Variants in CTNNA3 observed in about 807,000 individuals in gnomAD.
CTNNA3 encodes catenin alpha 3.
A neutral mutation model predicts 95.7 loss-of-function variants in CTNNA3; 76 were observed. The observed-to-expected ratio is 0.79, with a 90% CI of 0.66 to 0.96. CTNNA3 has a LOEUF of 0.96. CTNNA3 is among the 40% of genes least tolerant of loss of function. CTNNA3 has a pLI of 0.00. For synonymous variants in CTNNA3, 431 were observed against 374.4 expected, an observed-to-expected ratio of 1.15 and a Z score of -1.74; for missense variants, 1,191 against 1,089.8, an observed-to-expected ratio of 1.09 and a Z score of -1.31.
intron 5 of CTNNA3, among the ~76,000 whole-genome samples, chr10:67,382,311 C>T (rs1334364341): frequency 1.3e-5 from 2 of 152,030 alleles, no homozygotes; most frequent in African/African-American, 4.8e-5. Flanking sequence ...ACATGGCACA[C>T]TAAACAAAAA....
At position 66,113,533 on chromosome 10, in the gene CTNNA3, G is replaced by A. The variant is rs571683832; in HGVS notation, c.1885-10284C>T. Among the ~76,000 whole-genome samples, 9 of 152,184 alleles carry A rather than the reference G, an allele frequency of 5.9e-5. No homozygotes were observed. The East Asian group carries it at 7.7e-4, about 13-fold the overall frequency. On this transcript the variant is annotated intron_variant, in intron 13 of 17. Coordinates refer to ENST00000433211, the MANE Select transcript of CTNNA3 (RefSeq NM_013266.4). ...TGACTATCCAGATTCAAGGTCAAAC[G>A]CTGCCCTTAATATCTTGTGACCTAA... is the stretch of plus-strand genomic sequence containing the variant.
At chr10:67,138,618 T>C (rs1262251674) in intron 7 of CTNNA3, among the ~76,000 whole-genome samples, 3 of 152,238 alleles carry the variant, frequency 2.0e-5, no homozygotes, top group Non-Finnish European at 4.4e-5. Flanking sequence ...AAAGTAGACA[T>C]TGTCTTGTCG....
At chr10:66,941,998 G>C (rs1400848305) in intron 7 of CTNNA3, among the ~76,000 whole-genome samples, 2 of 152,168 alleles carry the variant, frequency 1.3e-5, no homozygotes, top group Admixed American at 1.3e-4. Context: ...CACTAGACCT[G>C]AAGTTAAATA....
chr10:67,755,802 CAAAAAA>C (rs201336788), intron 1 of CTNNA3, among the ~76,000 whole-genome samples: 1 of 58,774 alleles, frequency 1.7e-5, no homozygotes, highest in Non-Finnish European at 3.8e-5. Flanking sequence ...GTCTCTGCCT[CAAAAAA>C]AAAAAAAAAA....
At chr10:67,763,097 T>C (rs928805986) in intron 1 of CTNNA3, among the ~76,000 whole-genome samples, 8 of 152,150 alleles carry the variant, frequency 5.3e-5, no homozygotes, top group African/African-American at 1.9e-4. Flanking sequence ...GTAGGTACAA[T>C]CTAAGGACAA....
At chr10:67,707,821 A>G (rs1330420219) in intron 1 of CTNNA3, among the ~76,000 whole-genome samples, 1 of 152,152 alleles carries the variant, frequency 6.6e-6, no homozygotes. Context: ...TTCATCAGAG[A>G]TTGGTATTCT....
intron 17 of CTNNA3, among the ~76,000 whole-genome samples, chr10:65,960,751 TGTAA>T (rs1564542010): frequency 6.6e-6 from 1 of 152,182 alleles, no homozygotes; most frequent in African/African-American, 2.4e-5. Flanking sequence ...ACCTCCCACT[TGTAA>T]GTGAGGACAT....
intron 15 of CTNNA3, among the ~76,000 whole-genome samples, chr10:66,010,387 G>T (rs1195071582): frequency 6.6e-6 from 1 of 152,046 alleles, no homozygotes; most frequent in Non-Finnish European, 1.5e-5. Flanking sequence ...AAGACAAAAA[G>T]AATTATTTTT....
intron 11 of CTNNA3, among the ~76,000 whole-genome samples, chr10:66,400,413 T>TATA (rs1464924279): frequency 1.3e-5 from 2 of 152,088 alleles, no homozygotes; most frequent in African/African-American, 4.8e-5. Context: ...GAGCATATAT[T>TATA]ATAAATGGGT....
At chr10:67,526,976 G>T (rs961347002) in intron 4 of CTNNA3, among the ~76,000 whole-genome samples, 2 of 152,210 alleles carry the variant, frequency 1.3e-5, no homozygotes, top group Non-Finnish European at 2.9e-5. Flanking sequence ...TGAAAAGTTT[G>T]GCCAGGTACA....
intron 7 of CTNNA3, among the ~76,000 whole-genome samples, chr10:66,970,236 A>T (rs1564802713): frequency 6.6e-6 from 1 of 152,172 alleles, no homozygotes; most frequent in Non-Finnish European, 1.5e-5. Flanking sequence ...TCAAGCATCC[A>T]CAAAAGTTTA....
At chr10:66,611,441 GA>G (rs1278357005) in intron 10 of CTNNA3, among the ~76,000 whole-genome samples, 1 of 151,716 alleles carries the variant, frequency 6.6e-6, no homozygotes, top group Non-Finnish European at 1.5e-5. Flanking sequence ...CACAAATAAA[GA>G]AAAAAATAAC....
At chr10:66,731,604 A>G (rs1352572016) in intron 9 of CTNNA3, among the ~76,000 whole-genome samples, 1 of 152,208 alleles carries the variant, frequency 6.6e-6, no homozygotes, top group Non-Finnish European at 1.5e-5. Context: ...ATTTATATGA[A>G]TATTGAGAAA....
intron 3 of CTNNA3, among the ~76,000 whole-genome samples, chr10:67,605,006 T>A (rs1843215284): frequency 6.6e-6 from 1 of 152,196 alleles, no homozygotes; most frequent in South Asian, 2.1e-4. Context: ...GAAATAGAAC[T>A]ACCATTAAGA....
intron 3 of CTNNA3, among the ~76,000 whole-genome samples, chr10:67,546,316 A>T (rs1840842656): frequency 6.6e-6 from 1 of 152,040 alleles, no homozygotes; most frequent in African/African-American, 2.4e-5. Flanking sequence ...TATCTCTTAT[A>T]GAGATAGGGT....
Position 66,204,547 on chromosome 10 carries a change from C to G in CTNNA3, c.1884+75923G>C, listed in dbSNP as rs193127347. The stretch of plus-strand genomic sequence containing the variant: ...ACAAATGTCCTCCAAGATTCTGCCC[C>G]AGCCTTCAGCTCCAGACGTGTATCT... On this transcript the variant is annotated intron_variant, in intron 13 of 17. Coordinates refer to ENST00000433211, the MANE Select transcript of CTNNA3 (RefSeq NM_013266.4). 2.8e-3 allele frequency among the ~76,000 whole-genome samples: 432 copies of G among 152,272 alleles called. 5 individuals are homozygous for G. Among genetic ancestry groups the G allele is most frequent in the African/African-American group, 9.8e-3 (409 of 41,558 alleles).
At chr10:66,605,424 G>C (rs1045030024) in intron 10 of CTNNA3, among the ~76,000 whole-genome samples, 12 of 152,260 alleles carry the variant, frequency 7.9e-5, no homozygotes, top group Admixed American at 3.9e-4. Flanking sequence ...AACCTAGCTA[G>C]AGAGGCCAAC....
At chr10:66,118,160 C>T (rs2082415898) in intron 13 of CTNNA3, 1 of 152,156 alleles carries the variant, frequency 6.6e-6, no homozygotes, top group South Asian at 2.1e-4. Context: ...AATAATAAAG[C>T]AATTACAAAT....
chr10:67,595,055 A>G (rs996090977), intron 3 of CTNNA3, among the ~76,000 whole-genome samples: 4 of 152,186 alleles, frequency 2.6e-5, no homozygotes, highest in Non-Finnish European at 2.9e-5. Flanking sequence ...TGTGAATGTC[A>G]TTAATTTGTT....
Sources: gnomAD v4.1 joint callset for allele counts (sites outside exome capture counted in the v4.1 genomes callset) on GRCh38, gnomAD v4.1.1 for gene constraint, MANE v1.5 for transcripts, NCBI Gene and HGNC (gene_info 2026-07-23, HGNC 2026-07-21) for gene names.